Variants in HEATR4 observed in about 807,000 individuals in gnomAD.
HEATR4 encodes HEAT repeat-containing protein 4.
A neutral mutation model predicts 108.8 loss-of-function variants in HEATR4; 95 were observed. The ratio of observed to expected loss-of-function variants is 0.87; its 90% CI spans 0.74 to 1.04. The LOEUF is 1.04. Ranked by LOEUF, HEATR4 falls within the 50% of genes least tolerant of loss-of-function variation. HEATR4 has a pLI of 0.00. For synonymous variants in HEATR4, 443 were observed against 459.4 expected (o/e 0.96, Z 0.46); for missense variants, 1,152 against 1,253.8 (o/e 0.92, Z 1.23).
intron 17 of HEATR4, chr14:73,491,389 C>G (rs747494362): frequency 3.0e-6 from 4 of 1,349,584 alleles, no homozygotes; most frequent in Non-Finnish European, 2.8e-6. Flanking sequence ...GCCTGGTGCC[C>G]GCTTCCGCGC....
chr14:73,507,154 T>C lies in HEATR4; in HGVS notation c.1882-583A>G, dbSNP rs537269822. ...AAAATGATTTTTATATGCCTCAAGC[T>C]TATGACTTTCACATTTCTATTGAAA... On this transcript the variant is annotated intron_variant, in intron 9 of 17. Coordinates refer to ENST00000553558, the MANE Select transcript of HEATR4 (RefSeq NM_001220484.1). 2.6e-5 allele frequency among the ~76,000 whole-genome samples: 4 copies of C among 152,298 alleles called. No homozygotes were observed. The South Asian group carries it at 8.3e-4, about 32-fold the overall frequency.
Position 73,536,772 on chromosome 14 carries a change from C to T in HEATR4, c.-151-6528G>A, listed in dbSNP as rs1250229794. Among the ~76,000 whole-genome samples, 6 of 113,848 alleles carry T rather than the reference C, an allele frequency of 5.3e-5. 2 individuals are homozygous for T. Among genetic ancestry groups the T allele is most frequent in the Non-Finnish European group, 9.5e-5 (5 of 52,642 alleles). 74.7% of individuals were successfully genotyped at this position (113,848 alleles called of 152,430 possible). A position where few individuals can be genotyped will look rare whatever the true frequency, so the allele number is the denominator to read the frequency against. On this transcript the variant is annotated intron_variant, in intron 1 of 17. Transcript: ENST00000553558. ...CAGAGGTCACACAGCTAGTAAGAAG[C>T]CAGCACCCTTCGATGTGGGAGTGAT... is the stretch of plus-strand genomic sequence containing the variant.
the HEATR4 span, among the ~76,000 whole-genome samples, chr14:73,599,787 G>A: frequency 6.6e-6 from 1 of 152,194 alleles, no homozygotes; most frequent in African/African-American, 2.4e-5. Context: ...GAGTGGCAAG[G>A]TTCTGGAGAA....
At chr14:73,479,279 C>T (rs1360434196) in intron 17 of HEATR4, among the ~76,000 whole-genome samples, 1 of 151,800 alleles carries the variant, frequency 6.6e-6, no homozygotes, top group Non-Finnish European at 1.5e-5. Context: ...CCACGCCCAG[C>T]TAATTTTTTG....
At chr14:73,561,130 C>T (rs1280876874), upstream of HEATR4, among the ~76,000 whole-genome samples, 1 of 151,854 alleles carries the variant, frequency 6.6e-6, no homozygotes, top group Non-Finnish European at 1.5e-5. Context: ...CTTTGGGAGG[C>T]CGAGGAGGGT....
At chr14:73,574,640 A>G in the HEATR4 span, among the ~76,000 whole-genome samples, 1 of 152,042 alleles carries the variant, frequency 6.6e-6, no homozygotes, top group African/African-American at 2.4e-5. Flanking sequence ...GGAGACAGAA[A>G]AAGATCATGG....
chr14:73,573,688 C>G, the HEATR4 span: 1 of 1,386,000 alleles, frequency 7.2e-7, no homozygotes, highest in Non-Finnish European at 1.0e-6. Flanking sequence ...GACAGCCATT[C>G]CCTACCCCAA....
At chr14:73,619,953 A>G in the HEATR4 span, 2 of 1,238,448 alleles carry the variant, frequency 1.6e-6, no homozygotes, top group South Asian at 1.6e-5. Context: ...ACTCTGTCAC[A>G]TAGGCTGGAG....
chr14:73,633,462 T>A, the HEATR4 span, among the ~76,000 whole-genome samples: 1 of 152,194 alleles, frequency 6.6e-6, no homozygotes, highest in Non-Finnish European at 1.5e-5. Context: ...TATTTTATAG[T>A]TCAATTCAGT....
At chr14:73,588,004 ATTT>A in the HEATR4 span, among the ~76,000 whole-genome samples, 1 of 140,920 alleles carries the variant, frequency 7.1e-6, no homozygotes, top group Admixed American at 7.1e-5. Context: ...TATTTCTCTC[ATTT>A]TTTTTTTTTT....
the HEATR4 span, chr14:73,574,229 T>A: frequency 6.3e-6 from 1 of 158,570 alleles, no homozygotes; most frequent in Non-Finnish European, 1.4e-5. Flanking sequence ...GTAAAGAGAT[T>A]CGTAGTTGTT....
intron 5 of HEATR4, 72 bp from the exon 6 acceptor site, chr14:73,514,306 G>A: frequency 1.4e-6 from 2 of 1,385,896 alleles, no homozygotes; most frequent in Non-Finnish European, 2.0e-6. Flanking sequence ...GCCCCAGCTT[G>A]CATCCCATTC....
intron 1 of HEATR4, among the ~76,000 whole-genome samples, chr14:73,553,477 C>T (rs59875272): frequency 0.099 from 11,101 of 112,196 alleles, 3,046 homozygotes; most frequent in African/African-American, 0.28. Flanking sequence ...CGCCACTGCA[C>T]TCCAGCCTAG....
At chr14:73,621,578 G>C in the HEATR4 span, among the ~76,000 whole-genome samples, 2 of 151,940 alleles carry the variant, frequency 1.3e-5, no homozygotes, top group South Asian at 2.1e-4. Flanking sequence ...GTGATTTCAC[G>C]GCACATCCCA....
chr14:73,577,681 C>T, the HEATR4 span, among the ~76,000 whole-genome samples: 274 of 152,044 alleles, frequency 1.8e-3, 1 homozygote, highest in Middle Eastern at 6.8e-3. Context: ...GACCCTATTC[C>T]CCATTCTTAG....
At chr14:73,498,942 A>T in intron 13 of HEATR4, 129 bp downstream of exon 13, 1 of 766,190 alleles carries the variant, frequency 1.3e-6, no homozygotes. Context: ...CAGACAAGGA[A>T]CTTCTGAAAA....
At chr14:73,559,683 A>G (rs939905090), upstream of HEATR4, among the ~76,000 whole-genome samples, 1 of 152,074 alleles carries the variant, frequency 6.6e-6, no homozygotes, top group African/African-American at 2.4e-5. Flanking sequence ...CAGAGGTTGC[A>G]GTGAGCCAAG....
the HEATR4 span, among the ~76,000 whole-genome samples, chr14:73,598,389 C>CAA: frequency 6.8e-5 from 7 of 103,358 alleles, no homozygotes; most frequent in African/African-American, 1.4e-4. Context: ...GACTCCGTCT[C>CAA]AAAAAAAAAA....
intron 7 of HEATR4, among the ~76,000 whole-genome samples, chr14:73,511,565 A>T (rs1178469375): frequency 5.6e-5 from 7 of 124,612 alleles, no homozygotes; most frequent in East Asian, 4.0e-4. Flanking sequence ...ATAAATAAAT[A>T]AAATAAAATA....
Sources: gnomAD v4.1 joint callset for allele counts (sites outside exome capture counted in the v4.1 genomes callset) on GRCh38, gnomAD v4.1.1 for gene constraint, MANE v1.5 for transcripts, NCBI Gene and HGNC (gene_info 2026-07-23, HGNC 2026-07-21) for gene names.